The following MGAT5B variants were observed in gnomAD, a reference collection of about 807,000 sequenced individuals.
The protein encoded by MGAT5B is N-acetylglucosaminyl-transferase Vb.
A neutral mutation model predicts 95.1 loss-of-function variants in MGAT5B; 54 were observed. The ratio of observed to expected loss-of-function variants is 0.57; its 90% CI spans 0.46 to 0.71. MGAT5B has a LOEUF of 0.71. MGAT5B is among the 30% of genes least tolerant of loss of function. MGAT5B has a pLI of 0.00. For synonymous variants in MGAT5B, 464 were observed against 451.0 expected (o/e 1.03, Z -0.36); for missense variants, 935 against 1,088.6 (o/e 0.86, Z 1.99).
intron 12 of MGAT5B, among the ~76,000 whole-genome samples, chr17:76,935,666 G>T (rs1285353417): frequency 2.2e-5 from 3 of 136,346 alleles, no homozygotes; most frequent in African/African-American, 2.7e-5. Context: ...GAAAATATTA[G>T]GTTGTTTATT....
Position 76,948,762 on chromosome 17 carries a change from A to G in MGAT5B, c.2303A>G (p.Asn768Ser). ...CTGCTCTTCAGCTGCGCCGGCTCCAACACCAAGTACCGCCGGCTCTGCCCC... is the reference window on the plus strand; with the variant it reads ...CTGCTCTTCAGCTGCGCCGGCTCCAGCACCAAGTACCGCCGGCTCTGCCCC... The part of the protein sequence containing the change: ...EPLLFSCAGS[N>S]TKYRRLCPCR... The change falls in exon 18 of 18, where the codon AAC (asparagine) becomes AGC (serine). Residue 768 changes from asparagine (N) to serine (S), a missense_variant. Asn to Ser is a conservative substitution (Grantham distance 46). This residue lies in a region of MGAT5B where 440 missense variants were observed against 523.6 expected (regional missense o/e 0.84). Transcript: ENST00000569840. 6.2e-7 allele frequency: 1 copy of G among 1,610,930 alleles called. No homozygotes were observed. Among genetic ancestry groups the G allele is most frequent in the Middle Eastern group, 1.7e-4 (1 of 6,040 alleles).
chr17:76,882,705 CTTT>C (rs763528809), intron 3 of MGAT5B, among the ~76,000 whole-genome samples: 3 of 70,172 alleles, frequency 4.3e-5, no homozygotes, highest in African/African-American at 7.7e-5. Flanking sequence ...TCCACTGCCC[CTTT>C]TTTTTTTTTT....
chr17:76,887,490 CCTCCCTTCCTCT>C (rs1967691078), intron 3 of MGAT5B, among the ~76,000 whole-genome samples: 1 of 99,470 alleles, frequency 1.0e-5, no homozygotes, highest in Non-Finnish European at 2.0e-5. Context: ...TCCCTCCCTC[CCTCCCTTCCTCT>C]CTCCCTCCCT....
At chr17:76,876,145 G>T (rs1967179021) in intron 2 of MGAT5B, among the ~76,000 whole-genome samples, 1 of 152,176 alleles carries the variant, frequency 6.6e-6, no homozygotes, top group Non-Finnish European at 1.5e-5. Flanking sequence ...TGCAATGTGG[G>T]TTTAACATCC....
chr17:76,895,087 G>A (rs144772376), intron 3 of MGAT5B, among the ~76,000 whole-genome samples: 3 of 152,202 alleles, frequency 2.0e-5, no homozygotes, highest in East Asian at 1.9e-4. Context: ...CATCGCTCGC[G>A]TTACCACTTG....
At chr17:76,899,868 C>A (rs1968242271) in intron 3 of MGAT5B, among the ~76,000 whole-genome samples, 1 of 152,112 alleles carries the variant, frequency 6.6e-6, no homozygotes, top group South Asian at 2.1e-4. Context: ...GTTCTTGAAA[C>A]AATCTTAGCT....
At position 76,915,098 on chromosome 17, in the gene MGAT5B, C is replaced by G. The variant is rs1968878828; in HGVS notation, c.1025+8911C>G. On this transcript the variant is annotated intron_variant, in intron 8 of 17. Coordinates refer to ENST00000569840, the MANE Select transcript of MGAT5B (RefSeq NM_001199172.2). The surrounding 1 kb of genome is among the most constrained non-coding windows in gnomAD (Gnocchi z 8.7). ...TCACCCTCCTTCAGCGGCCACAGTT[C>G]AGCCCACGATCAAAGGTGTGCTTGT... Among the ~76,000 whole-genome samples, 1 of 152,184 alleles carries G rather than the reference C, an allele frequency of 6.6e-6. No homozygotes were observed. Among genetic ancestry groups the G allele is most frequent in the African/African-American group, 2.4e-5 (1 of 41,440 alleles).
intron 15 of MGAT5B, chr17:76,946,134 G>T: frequency 2.2e-6 from 1 of 446,966 alleles, no homozygotes; most frequent in South Asian, 3.6e-5. Flanking sequence ...GGGAGGGGGT[G>T]GGGAGGGATG....
chr17:76,920,387 CG>C (rs1969089268), intron 8 of MGAT5B, among the ~76,000 whole-genome samples: 2 of 152,120 alleles, frequency 1.3e-5, no homozygotes, highest in African/African-American at 4.8e-5. Context: ...CCGAGCCTCC[CG>C]GGCACCTTTG....
intron 12 of MGAT5B, among the ~76,000 whole-genome samples, chr17:76,937,732 A>G (rs1378301934): frequency 1.3e-5 from 2 of 152,212 alleles, no homozygotes; most frequent in African/African-American, 2.4e-5. Flanking sequence ...GTTGGTCCCC[A>G]TAGGGTTCCT....
At chr17:76,872,522 C>A in intron 1 of MGAT5B, 1 of 718,406 alleles carries the variant, frequency 1.4e-6, no homozygotes, top group Admixed American at 3.1e-5. Context: ...GCTGACTGCT[C>A]GTCTGGGGAC....
rs923546525 is a variant in MGAT5B, at chr17:76,889,949, C to T, written c.329+7651C>T. 7.2e-5 allele frequency among the ~76,000 whole-genome samples: 11 copies of T among 152,208 alleles called. No homozygotes were observed. Among genetic ancestry groups the T allele is most frequent in the South Asian group, 6.2e-4 (3 of 4,834 alleles). ...GGCCCTGAGGGCTTCCTGATCATGA[C>T]GAATGTCCCCAGCTTTTCTGTTGAA... On this transcript the variant is annotated intron_variant, in intron 3 of 17. Coordinates refer to ENST00000569840, the MANE Select transcript of MGAT5B (RefSeq NM_001199172.2). The surrounding 1 kb of genome is among the most constrained non-coding windows in gnomAD (Gnocchi z 4.4).
intron 12 of MGAT5B, among the ~76,000 whole-genome samples, chr17:76,936,152 A>G (rs1969662613): frequency 6.6e-6 from 1 of 151,860 alleles, no homozygotes; most frequent in South Asian, 2.1e-4. Flanking sequence ...TCACGCCTGT[A>G]ATCTCAGAAC....
At chr17:76,931,710 A>C (rs1160071468) in intron 10 of MGAT5B, among the ~76,000 whole-genome samples, 2 of 152,138 alleles carry the variant, frequency 1.3e-5, no homozygotes, top group African/African-American at 2.4e-5. Context: ...CATTTCAGAG[A>C]AAAGACTCTA....
intron 8 of MGAT5B, among the ~76,000 whole-genome samples, chr17:76,909,663 G>C (rs568130547): frequency 4.9e-4 from 74 of 152,328 alleles, no homozygotes; most frequent in African/African-American, 1.8e-3. Flanking sequence ...CTGCAACTCA[G>C]AGTCTGCCAG....
chr17:76,893,560 T>A (rs1397310512), intron 3 of MGAT5B, among the ~76,000 whole-genome samples: 1 of 152,228 alleles, frequency 6.6e-6, no homozygotes, highest in African/African-American at 2.4e-5. Flanking sequence ...CTCAGGGGCA[T>A]CTGCACCAGC....
rs1018981023 is a variant in MGAT5B, at chr17:76,918,496, TG to T, written c.1026-6467del. Among the ~76,000 whole-genome samples, 17 of 152,234 alleles carry T rather than the reference TG, an allele frequency of 1.1e-4. No homozygotes were observed. The highest frequency in any genetic ancestry group is 3.9e-4 in the African/African-American group (16 of 41,468). The stretch of plus-strand genomic sequence containing the variant: ...TGGGTACAGGGAGGTCAGTCCATCC[TG>T]GGCAGGAAGAAAATGCTGCAGGACG... On this transcript the variant is annotated intron_variant, in intron 8 of 17. Transcript: ENST00000569840. This position sits in a 1 kb window ranked among gnomAD's most constrained non-coding sequence, Gnocchi z 5.1.
At chr17:76,927,034 C>T (rs903597989) in intron 10 of MGAT5B, among the ~76,000 whole-genome samples, 2 of 152,134 alleles carry the variant, frequency 1.3e-5, no homozygotes, top group Non-Finnish European at 1.5e-5. Flanking sequence ...TTCCAGAACA[C>T]GGGGGACTCC....
At chr17:76,897,148 T>C (rs988351536) in intron 3 of MGAT5B, among the ~76,000 whole-genome samples, 4 of 152,024 alleles carry the variant, frequency 2.6e-5, no homozygotes, top group Non-Finnish European at 4.4e-5. Flanking sequence ...AACTCCTGGG[T>C]TCAAGTGATC....
Sources: allele counts gnomAD v4.1 joint callset (sites outside exome capture counted in the v4.1 genomes callset), GRCh38; gene constraint gnomAD v4.1.1; regional missense constraint gnomAD v4.1.1; non-coding constraint Gnocchi (gnomAD v3.1); transcripts MANE v1.5; gene names NCBI Gene and HGNC (gene_info 2026-07-23, HGNC 2026-07-21).